Variants in PDE7A observed in about 807,000 individuals in gnomAD.
PDE7A encodes the protein high affinity 3',5'-cyclic-AMP phosphodiesterase 7A.
A neutral mutation model predicts 64.3 loss-of-function variants in PDE7A; 39 were observed. The observed-to-expected ratio is 0.61, with a 90% CI of 0.47 to 0.79. PDE7A has a LOEUF of 0.79. Ranked by LOEUF, PDE7A falls within the 30% of genes least tolerant of loss-of-function variation. PDE7A has a pLI of 0.00. For missense variants in PDE7A, 470 were observed against 582.8 expected, an observed-to-expected ratio of 0.81 and a Z score of 1.99; for synonymous variants, 203 against 206.8, an observed-to-expected ratio of 0.98 and a Z score of 0.16.
chr8:65,743,102 T>C (rs1452355446), intron 5 of PDE7A, among the ~76,000 whole-genome samples: 2 of 152,120 alleles, frequency 1.3e-5, no homozygotes, highest in African/African-American at 2.4e-5. Context: ...AGTGTCCCAG[T>C]AGACTAATAA....
At chr8:65,745,947 A>G (rs1388980428) in intron 4 of PDE7A, among the ~76,000 whole-genome samples, 1 of 147,510 alleles carries the variant, frequency 6.8e-6, no homozygotes, top group Non-Finnish European at 1.5e-5. Context: ...TCTTTGAGAC[A>G]GGGTCTCACA....
intron 7 of PDE7A, chr8:65,728,523 A>C (rs1010622069): frequency 1.3e-5 from 2 of 152,216 alleles, no homozygotes; most frequent in African/African-American, 4.8e-5. Flanking sequence ...GGAGAAGGTC[A>C]ATGAATAGGA....
chr8:65,754,462 C>G (rs567448892), intron 3 of PDE7A, among the ~76,000 whole-genome samples: 8 of 151,320 alleles, frequency 5.3e-5, no homozygotes, highest in Admixed American at 5.3e-4. Context: ...CTCAGGCTCC[C>G]GAGTAGCTGG....
intron 1 of PDE7A, among the ~76,000 whole-genome samples, chr8:65,810,255 C>T (rs1051558814): frequency 6.6e-6 from 1 of 151,634 alleles, no homozygotes. Context: ...GGACAGAAAA[C>T]CAAACACCGC....
intron 1 of PDE7A, among the ~76,000 whole-genome samples, chr8:65,793,608 G>A (rs1361084090): frequency 3.3e-5 from 5 of 152,030 alleles, no homozygotes; most frequent in East Asian, 3.9e-4. Flanking sequence ...TCTTCAATAC[G>A]GGCCACATAA....
intron 1 of PDE7A, among the ~76,000 whole-genome samples, chr8:65,834,733 A>T (rs1810913729): frequency 6.6e-6 from 1 of 152,182 alleles, no homozygotes; most frequent in Non-Finnish European, 1.5e-5. Flanking sequence ...ATGAAGAGCC[A>T]TCCCTACCAG....
rs926517379 is a variant in PDE7A at position 65,717,327 on chromosome 8, A to C, written c.*1963T>G. On this transcript the variant is annotated 3_prime_UTR_variant, in exon 13 of 13. Coordinates refer to ENST00000401827, the MANE Select transcript of PDE7A (RefSeq NM_001242318.3). ...CCTTGTTTACAACTGATATCAATCA[A>C]GTAGAGTGGAGTGGCCTTTTCTTAT... Among the ~76,000 whole-genome samples, 1 of 152,258 alleles carries C rather than the reference A, an allele frequency of 6.6e-6. No individual in the cohort carries two copies. The highest frequency in any genetic ancestry group is 2.4e-5 in the African/African-American group (1 of 41,478).
chr8:65,763,425 C>T lies in PDE7A; in HGVS notation c.284-15622G>A, dbSNP rs1026990498. ...TACTAAAAATACAAAATTAGCTGGG[C>T]GTGGTGGCGCAGGTCTGTAATCCCA... is the stretch of plus-strand genomic sequence containing the variant. On this transcript the variant is annotated intron_variant, in intron 3 of 12. Transcript: ENST00000401827. Among the ~76,000 whole-genome samples, 8 of 151,942 alleles carry T rather than the reference C, an allele frequency of 5.3e-5. No individual in the cohort carries two copies. The South Asian group carries it at 6.2e-4, about 12-fold the overall frequency.
At chr8:65,752,581 C>A (rs1808017135) in intron 3 of PDE7A, among the ~76,000 whole-genome samples, 2 of 152,070 alleles carry the variant, frequency 1.3e-5, no homozygotes, top group Admixed American at 1.3e-4. Context: ...CCACAGAATT[C>A]TTTCTTTCTC....
At chr8:65,834,103 T>C (rs1810896320) in intron 1 of PDE7A, among the ~76,000 whole-genome samples, 1 of 152,098 alleles carries the variant, frequency 6.6e-6, no homozygotes, top group Admixed American at 6.5e-5. Flanking sequence ...TTTCAATAAA[T>C]ATACTAAGAA....
chr8:65,770,545 A>T (rs1809034635), intron 3 of PDE7A, among the ~76,000 whole-genome samples: 1 of 152,230 alleles, frequency 6.6e-6, no homozygotes, highest in Non-Finnish European at 1.5e-5. Context: ...TATGGAAGCT[A>T]CAATTCAAGA....
At chr8:65,820,391 G>A (rs904296803) in intron 1 of PDE7A, among the ~76,000 whole-genome samples, 1 of 151,514 alleles carries the variant, frequency 6.6e-6, no homozygotes. Context: ...GTGAGACCCT[G>A]TTTCAAAAAA....
chr8:65,811,721 C>T (rs756804827), intron 1 of PDE7A, among the ~76,000 whole-genome samples: 2 of 152,102 alleles, frequency 1.3e-5, no homozygotes, highest in South Asian at 4.1e-4. Context: ...AGTAAAAATA[C>T]TTGGTGTGTA....
chr8:65,764,211 C>G (rs1808654690), intron 3 of PDE7A, among the ~76,000 whole-genome samples: 1 of 152,130 alleles, frequency 6.6e-6, no homozygotes, highest in South Asian at 2.1e-4. Flanking sequence ...ATTATTGTTT[C>G]CTGGGATATC....
At chr8:65,789,092 A>C in intron 1 of PDE7A, 2 of 1,383,556 alleles carry the variant, frequency 1.4e-6, no homozygotes, top group East Asian at 2.5e-5. Flanking sequence ...TCCAACAGTG[A>C]TCACCTGACT....
intron 3 of PDE7A, among the ~76,000 whole-genome samples, chr8:65,779,275 G>C (rs1479287027): frequency 3.3e-5 from 5 of 152,034 alleles, no homozygotes; most frequent in Non-Finnish European, 7.4e-5. Flanking sequence ...AATCCACAAA[G>C]AATGCTTGTT....
At chr8:65,777,322 G>A (rs1431436155) in intron 3 of PDE7A, among the ~76,000 whole-genome samples, 5 of 151,654 alleles carry the variant, frequency 3.3e-5, no homozygotes, top group African/African-American at 7.3e-5. Flanking sequence ...CAGATGATCC[G>A]CCCGCCTCAG....
intron 1 of PDE7A, among the ~76,000 whole-genome samples, chr8:65,825,088 T>C (rs1028754057): frequency 1.3e-5 from 2 of 152,164 alleles, no homozygotes; most frequent in African/African-American, 2.4e-5. Flanking sequence ...AAATTCAAGA[T>C]TTATGCACAA....
intron 1 of PDE7A, among the ~76,000 whole-genome samples, chr8:65,784,348 T>G (rs1017399812): frequency 6.6e-6 from 1 of 152,180 alleles, no homozygotes; most frequent in Non-Finnish European, 1.5e-5. Flanking sequence ...ATACAGGACT[T>G]AGAATCTGTG....
Sources: gnomAD v4.1 joint callset for allele counts (sites outside exome capture counted in the v4.1 genomes callset) on GRCh38, gnomAD v4.1.1 for gene constraint, MANE v1.5 for transcripts, NCBI Gene and HGNC (gene_info 2026-07-23, HGNC 2026-07-21) for gene names.